Variants in ZNF423 observed in about 807,000 individuals in gnomAD.
The protein encoded by ZNF423 is zinc finger protein 423.
In ZNF423, 12 loss-of-function variants were observed where a neutral mutation model predicts 95.8. That is an observed-to-expected ratio of 0.13 (90% CI 0.08 to 0.20). The LOEUF (loss-of-function observed/expected upper bound fraction) is 0.20. Among genes scored for constraint, ZNF423 ranks in the 10% least tolerant of loss-of-function variants. The pLI, the probability that ZNF423 is intolerant of heterozygous loss-of-function variation, is 1.00. For synonymous variants in ZNF423, 749 were observed against 711.9 expected (o/e 1.05, Z -0.83); for missense variants, 1,316 against 1,737.1 (o/e 0.76, Z 4.31).
intron 3 of ZNF423, chr16:49,730,545 C>A: frequency 3.4e-6 from 2 of 581,716 alleles, no homozygotes; most frequent in Non-Finnish European, 6.1e-6. Flanking sequence ...GAGAGGGGGC[C>A]GGGACAGAGC....
At chr16:49,583,905 G>A (rs1250370369) in intron 5 of ZNF423, among the ~76,000 whole-genome samples, 3 of 152,208 alleles carry the variant, frequency 2.0e-5, no homozygotes, top group Non-Finnish European at 4.4e-5. Flanking sequence ...ATTATGGACT[G>A]GAGCTAGGGG....
chr16:49,654,738 T>G (rs2151907908), intron 3 of ZNF423, among the ~76,000 whole-genome samples: 1 of 152,290 alleles, frequency 6.6e-6, no homozygotes, highest in Non-Finnish European at 1.5e-5. Flanking sequence ...AATGAGAAAG[T>G]TAGCGCCCTT....
At chr16:49,766,202 C>T (rs925265006) in intron 2 of ZNF423, among the ~76,000 whole-genome samples, 1 of 152,118 alleles carries the variant, frequency 6.6e-6, no homozygotes, top group Non-Finnish European at 1.5e-5. Flanking sequence ...AGGATATTAA[C>T]ATAGGACCAA....
chr16:49,628,149 C>CCCAT (rs1184119284), intron 4 of ZNF423, among the ~76,000 whole-genome samples: 6 of 150,152 alleles, frequency 4.0e-5, no homozygotes. Context: ...CGTCCATCTA[C>CCCAT]CCATCCATCC....
At chr16:49,683,486 G>A (rs868224203) in intron 3 of ZNF423, among the ~76,000 whole-genome samples, 27 of 152,272 alleles carry the variant, frequency 1.8e-4, no homozygotes, top group Middle Eastern at 3.4e-3. Flanking sequence ...ACACCCAGAG[G>A]ACAAAGGACC....
At chr16:49,545,376 G>A (rs1196315141) in intron 5 of ZNF423, among the ~76,000 whole-genome samples, 1 of 152,132 alleles carries the variant, frequency 6.6e-6, no homozygotes, top group African/African-American at 2.4e-5. Context: ...TGAAGAGGAG[G>A]CGCCGGGCAG....
chr16:49,494,294 G>C (rs1967076335), intron 7 of ZNF423, among the ~76,000 whole-genome samples: 1 of 152,222 alleles, frequency 6.6e-6, no homozygotes, highest in South Asian at 2.1e-4. Context: ...TGAGACAGAA[G>C]GATAAAACTT....
At chr16:49,819,446 C>T (rs1017270819) in intron 1 of ZNF423, among the ~76,000 whole-genome samples, 2 of 151,796 alleles carry the variant, frequency 1.3e-5, no homozygotes, top group South Asian at 4.2e-4. Flanking sequence ...ATAGGCTCAT[C>T]CACGAGTATC....
chr16:49,579,654 G>A (rs1304798307), intron 5 of ZNF423, among the ~76,000 whole-genome samples: 1 of 152,130 alleles, frequency 6.6e-6, no homozygotes, highest in Non-Finnish European at 1.5e-5. Context: ...TTGCGTAGGA[G>A]TAACATAATT....
chr16:49,596,082 T>A (rs1404252138), intron 5 of ZNF423, among the ~76,000 whole-genome samples: 3 of 152,150 alleles, frequency 2.0e-5, no homozygotes, highest in Non-Finnish European at 4.4e-5. Flanking sequence ...CTGGCAGGGG[T>A]GCAGTATTTT....
chr16:49,855,158 G>A lies in ZNF423; in HGVS notation c.40+577C>T, dbSNP rs1438857013. On this transcript the variant is annotated intron_variant, in intron 1 of 7. Transcript: ENST00000563137. The surrounding 1 kb of genome is among the most constrained non-coding windows in gnomAD (Gnocchi z 4.7). ...CAGGGGCGGGAGGGGGCGCCAGGCG[G>A]CCGGGGCGAGGGCGCGGCGCCCGGG... 1.5e-5 allele frequency among the ~76,000 whole-genome samples: 2 copies of A among 136,554 alleles called. No individual in the cohort carries two copies. The highest frequency in any genetic ancestry group is 3.3e-5 in the Non-Finnish European group (2 of 60,334). 89.6% of individuals were successfully genotyped at this position (136,554 alleles called of 152,430 possible).
chr16:49,668,612 G>C (rs2030652980), intron 3 of ZNF423, among the ~76,000 whole-genome samples: 1 of 152,216 alleles, frequency 6.6e-6, no homozygotes, highest in Non-Finnish European at 1.5e-5. Context: ...GGTCAGCCAA[G>C]ATACAGGGAA....
rs150617784 is a variant in ZNF423, at chr16:49,709,605, G to A, written c.301+21166C>T. 2.0e-3 allele frequency among the ~76,000 whole-genome samples: 310 copies of A among 152,178 alleles called. 2 individuals carry two copies. Among genetic ancestry groups the A allele is most frequent in the South Asian group, 0.016 (76 of 4,800 alleles). On this transcript the variant is annotated intron_variant, in intron 3 of 7. Transcript: ENST00000563137. ...CCACTGCTATCGTCTGAATGTTTAC[G>A]TCCCCCCAAAATTTGTATGTTGAAA...
rs760223345 is a variant in ZNF423 at position 49,790,260 on chromosome 16, T to G, written c.41-714A>C. Among the ~76,000 whole-genome samples, 60 of 152,248 alleles carry G rather than the reference T, an allele frequency of 3.9e-4. 1 individual carries two copies. Among genetic ancestry groups the G allele is most frequent in the Non-Finnish European group, 1.2e-4 (8 of 68,042 alleles). ...CAAAAATGTGCATACACAGTATTTTTCAGATTTAATGGCCTTTCTAGCTCT... is the reference window on the plus strand; with the variant it reads ...CAAAAATGTGCATACACAGTATTTTGCAGATTTAATGGCCTTTCTAGCTCT... On this transcript the variant is annotated intron_variant, in intron 1 of 7. Transcript: ENST00000563137.
At chr16:49,696,541 G>T (rs1049447183) in intron 3 of ZNF423, among the ~76,000 whole-genome samples, 1 of 152,164 alleles carries the variant, frequency 6.6e-6, no homozygotes. Context: ...GGAGGCCCAG[G>T]CCCGCCAGGC....
chr16:49,766,593 C>G (rs542544470), intron 2 of ZNF423, among the ~76,000 whole-genome samples: 4 of 152,170 alleles, frequency 2.6e-5, no homozygotes, highest in African/African-American at 9.7e-5. Context: ...TTTCAGATCC[C>G]GGGAGGCCCA....
chr16:49,551,280 C>T (rs1045166357), intron 5 of ZNF423, among the ~76,000 whole-genome samples: 1 of 152,246 alleles, frequency 6.6e-6, no homozygotes, highest in African/African-American at 2.4e-5. Flanking sequence ...ACATCCAACG[C>T]TCCGCTTTTC....
intron 5 of ZNF423, among the ~76,000 whole-genome samples, chr16:49,609,111 G>T (rs897450974): frequency 6.6e-6 from 1 of 152,120 alleles, no homozygotes; most frequent in Non-Finnish European, 1.5e-5. Flanking sequence ...GAGCAGAAAT[G>T]ATGCATTCCT....
At chr16:49,685,797 G>T (rs1352942538) in intron 3 of ZNF423, among the ~76,000 whole-genome samples, 1 of 152,100 alleles carries the variant, frequency 6.6e-6, no homozygotes, top group African/African-American at 2.4e-5. Flanking sequence ...AGGATGCCAA[G>T]ACCCCCACCA....
Sources: allele counts gnomAD v4.1 joint callset (sites outside exome capture counted in the v4.1 genomes callset), GRCh38; gene constraint gnomAD v4.1.1; non-coding constraint Gnocchi (gnomAD v3.1); transcripts MANE v1.5; gene names NCBI Gene and HGNC (gene_info 2026-07-23, HGNC 2026-07-21).